The following CADM2 variants were observed in gnomAD, a reference collection of about 807,000 sequenced individuals.
CADM2 encodes immunoglobulin superfamily member 4D.
CADM2 carries 12 observed loss-of-function variants against 49.8 expected under a neutral mutation model. The observed-to-expected ratio is 0.24, with a 90% CI of 0.15 to 0.39. The LOEUF (loss-of-function observed/expected upper bound fraction) is 0.39. Ranked by LOEUF, CADM2 falls within the 10% of genes least tolerant of loss-of-function variation. CADM2 has a pLI of 1.00. For synonymous variants in CADM2, 214 were observed against 175.4 expected (o/e 1.22, Z -1.74); for missense variants, 378 against 492.3 (o/e 0.77, Z 2.20).
chr3:85,794,653 T>C (rs2071517885), intron 2 of CADM2, among the ~76,000 whole-genome samples: 2 of 152,112 alleles, frequency 1.3e-5, no homozygotes, highest in Admixed American at 1.3e-4. Flanking sequence ...TCTAGGATGG[T>C]GGTGAGCTTA....
chr3:85,114,840 C>CT (rs1439531238), intron 1 of CADM2, among the ~76,000 whole-genome samples: 4 of 150,744 alleles, frequency 2.7e-5, no homozygotes, highest in African/African-American at 7.5e-5. Context: ...TTTATATGAC[C>CT]TTTTTTTCCT....
chr3:85,347,942 G>A (rs953610347), intron 1 of CADM2, among the ~76,000 whole-genome samples: 4 of 151,832 alleles, frequency 2.6e-5, no homozygotes, highest in Admixed American at 2.0e-4. Flanking sequence ...TGAGTAGCTG[G>A]GACTACAGGC....
intron 1 of CADM2, among the ~76,000 whole-genome samples, chr3:85,024,475 A>G (rs956912111): frequency 6.6e-6 from 1 of 152,106 alleles, no homozygotes; most frequent in Non-Finnish European, 1.5e-5. Context: ...AGTTATAAAA[A>G]GTTCTGCTCG....
chr3:85,260,831 A>G (rs1263066892), intron 1 of CADM2, among the ~76,000 whole-genome samples: 2 of 152,254 alleles, frequency 1.3e-5, no homozygotes, highest in East Asian at 1.9e-4. Flanking sequence ...TTAGTAACGA[A>G]TTCTTTGTTA....
chr3:85,555,714 A>G (rs1036183788), intron 1 of CADM2, among the ~76,000 whole-genome samples: 1 of 152,106 alleles, frequency 6.6e-6, no homozygotes, highest in Non-Finnish European at 1.5e-5. Flanking sequence ...TTAGGTTGCC[A>G]TTTGTTCCAA....
chr3:85,357,072 T>A (rs1293598377), intron 1 of CADM2, among the ~76,000 whole-genome samples: 1 of 152,104 alleles, frequency 6.6e-6, no homozygotes, highest in Non-Finnish European at 1.5e-5. Context: ...TAAATTGAAA[T>A]TTTGTTATTC....
intron 1 of CADM2, among the ~76,000 whole-genome samples, chr3:85,104,621 C>A (rs550913984): frequency 3.5e-4 from 53 of 152,244 alleles, no homozygotes; most frequent in African/African-American, 1.2e-3. Flanking sequence ...TCATTGGTAG[C>A]TTGATAGGAA....
intron 1 of CADM2, among the ~76,000 whole-genome samples, chr3:85,686,650 G>A (rs1577084998): frequency 1.3e-5 from 2 of 152,114 alleles, no homozygotes; most frequent in African/African-American, 4.8e-5. Flanking sequence ...AGTGTGAAAG[G>A]AAAATATCTT....
At chr3:85,145,455 A>T (rs1351371577) in intron 1 of CADM2, among the ~76,000 whole-genome samples, 2 of 152,050 alleles carry the variant, frequency 1.3e-5, no homozygotes, top group Non-Finnish European at 2.9e-5. Context: ...CCCTGTGTAG[A>T]ACTAAATCAC....
At chr3:85,374,398 C>T (rs2033463629) in intron 1 of CADM2, among the ~76,000 whole-genome samples, 2 of 152,100 alleles carry the variant, frequency 1.3e-5, no homozygotes, top group South Asian at 2.1e-4. Context: ...TCTGAGACCA[C>T]CTCAGCCTCA....
intron 2 of CADM2, among the ~76,000 whole-genome samples, chr3:85,785,397 A>T (rs2070923426): frequency 6.6e-6 from 1 of 152,110 alleles, no homozygotes; most frequent in African/African-American, 2.4e-5. Context: ...ACTGAGACTA[A>T]TCTGTTATTG....
chr3:85,862,314 A>C (rs2075567130), intron 3 of CADM2, among the ~76,000 whole-genome samples: 1 of 152,158 alleles, frequency 6.6e-6, no homozygotes, highest in South Asian at 2.1e-4. Flanking sequence ...ATAATTTTAT[A>C]ATAACTTAAT....
At chr3:85,996,262 A>G (rs1729399714) in intron 8 of CADM2, among the ~76,000 whole-genome samples, 1 of 150,274 alleles carries the variant, frequency 6.7e-6, no homozygotes, top group Admixed American at 6.6e-5. Flanking sequence ...AGGCCTTGCC[A>G]AGTTAAAAGC....
intron 1 of CADM2, among the ~76,000 whole-genome samples, chr3:85,066,983 A>G (rs1207023728): frequency 6.6e-6 from 1 of 152,066 alleles, no homozygotes; most frequent in Non-Finnish European, 1.5e-5. Flanking sequence ...TTTCGTTTCC[A>G]CAGGGCTATA....
intron 8 of CADM2, among the ~76,000 whole-genome samples, chr3:86,031,778 A>T (rs1259023707): frequency 2.0e-5 from 3 of 151,760 alleles, no homozygotes; most frequent in South Asian, 2.1e-4. Context: ...AGTCAGTGAG[A>T]TAGTCAACAA....
At chr3:85,097,851 G>T (rs745779514) in intron 1 of CADM2, among the ~76,000 whole-genome samples, 26 of 152,116 alleles carry the variant, frequency 1.7e-4, no homozygotes, top group Middle Eastern at 3.2e-3. Context: ...ATTCACATAA[G>T]CCCCTACATA....
chr3:85,341,293 A>C (rs1184991175), intron 1 of CADM2, among the ~76,000 whole-genome samples: 1 of 151,924 alleles, frequency 6.6e-6, no homozygotes, highest in African/African-American at 2.4e-5. Context: ...AGGAAATGAA[A>C]TGCATTTGAA....
intron 1 of CADM2, among the ~76,000 whole-genome samples, chr3:85,566,278 T>C (rs1261661974): frequency 2.0e-5 from 3 of 152,078 alleles, no homozygotes; most frequent in East Asian, 3.9e-4. Context: ...TAGAAAACAA[T>C]AGAAATTTGA....
At chr3:85,035,328 G>C (rs767288523) in intron 1 of CADM2, among the ~76,000 whole-genome samples, 2 of 152,056 alleles carry the variant, frequency 1.3e-5, no homozygotes, top group African/African-American at 2.4e-5. Flanking sequence ...TTAATTCATT[G>C]TCTGATGGCT....
Sources: allele counts gnomAD v4.1 joint callset (sites outside exome capture counted in the v4.1 genomes callset), GRCh38; gene constraint gnomAD v4.1.1; transcripts MANE v1.5; gene names NCBI Gene and HGNC (gene_info 2026-07-23, HGNC 2026-07-21).